Variants in RGL1 observed in about 807,000 individuals in gnomAD.
The protein encoded by RGL1 is ral guanine nucleotide dissociation stimulator like 1.
In RGL1, 24 loss-of-function variants were observed where a neutral mutation model predicts 95.2. The ratio of observed to expected loss-of-function variants is 0.25; its 90% CI spans 0.18 to 0.35. The LOEUF (loss-of-function observed/expected upper bound fraction) is 0.35, where lower values mean the gene tolerates loss of function less well. RGL1 is among the 10% of genes least tolerant of loss of function. The pLI is 1.00. For missense variants in RGL1, 715 were observed against 936.3 expected (o/e 0.76, Z 3.08); for synonymous variants, 329 against 344.9 (o/e 0.95, Z 0.51).
At chr1:183,919,963 A>C (rs1035025946) in intron 16 of RGL1, among the ~76,000 whole-genome samples, 1 of 152,226 alleles carries the variant, frequency 6.6e-6, no homozygotes, top group African/African-American at 2.4e-5. Context: ...AAAATACTGC[A>C]TTAACAATTT....
intron 2 of RGL1, among the ~76,000 whole-genome samples, chr1:183,745,605 T>C (rs1230469930): frequency 4.6e-5 from 7 of 152,174 alleles, no homozygotes; most frequent in South Asian, 2.1e-4. Flanking sequence ...TCATGTATCA[T>C]GTTTCTATAG....
chr1:183,924,223 C>T (rs1379882361), intron 17 of RGL1, among the ~76,000 whole-genome samples: 2 of 152,104 alleles, frequency 1.3e-5, no homozygotes, highest in Non-Finnish European at 2.9e-5. Flanking sequence ...ACGCAAATGC[C>T]CATCAATGAT....
upstream of RGL1, among the ~76,000 whole-genome samples, chr1:183,802,665 G>T (rs762301605): frequency 6.9e-4 from 66 of 95,462 alleles, no homozygotes; most frequent in Non-Finnish European, 1.3e-3. Context: ...GCAAAATAAA[G>T]AATTAATGTG....
intron 2 of RGL1, among the ~76,000 whole-genome samples, chr1:183,807,802 G>C (rs776186897): frequency 2.2e-4 from 33 of 152,200 alleles, no homozygotes; most frequent in Non-Finnish European, 4.6e-4. Flanking sequence ...CACTTACCAA[G>C]TACCTACCTT....
At chr1:183,674,033 TG>T (rs1201826716) in intron 1 of RGL1, among the ~76,000 whole-genome samples, 1 of 152,202 alleles carries the variant, frequency 6.6e-6, no homozygotes, top group Non-Finnish European at 1.5e-5. Context: ...TCCAAGTCTT[TG>T]TCTTCACTCA....
intron 1 of RGL1, among the ~76,000 whole-genome samples, chr1:183,663,050 C>T (rs1483485915): frequency 4.0e-5 from 6 of 151,336 alleles, no homozygotes; most frequent in Non-Finnish European, 8.9e-5. Context: ...ACACCTTATA[C>T]AAAAATTAAT....
At chr1:183,741,774 A>C (rs1401672044) in intron 1 of RGL1, among the ~76,000 whole-genome samples, 1 of 152,180 alleles carries the variant, frequency 6.6e-6, no homozygotes, top group South Asian at 2.1e-4. Flanking sequence ...TGGCATGAAA[A>C]TATGAAAACA....
At chr1:183,847,022 A>G (rs985861047) in intron 2 of RGL1, among the ~76,000 whole-genome samples, 3 of 152,212 alleles carry the variant, frequency 2.0e-5, no homozygotes, top group African/African-American at 7.2e-5. Flanking sequence ...GTAGAAGCAA[A>G]TGTAACCATT....
chr1:183,786,703 G>A (rs1334732746), intron 2 of RGL1, among the ~76,000 whole-genome samples: 1 of 152,074 alleles, frequency 6.6e-6, no homozygotes, highest in Non-Finnish European at 1.5e-5. Context: ...GCAATGATGT[G>A]GACAAATGTT....
chr1:183,708,016 C>T (rs1655025109), intron 1 of RGL1, among the ~76,000 whole-genome samples: 1 of 151,996 alleles, frequency 6.6e-6, no homozygotes, highest in African/African-American at 2.4e-5. Context: ...CCCATTTCTC[C>T]AGTTGTCGGC....
At chr1:183,729,245 T>C (rs757765367) in intron 1 of RGL1, among the ~76,000 whole-genome samples, 2 of 152,060 alleles carry the variant, frequency 1.3e-5, no homozygotes, top group Admixed American at 1.3e-4. Flanking sequence ...ATCTAGAATA[T>C]ATAAAGAAGT....
At chr1:183,789,751 A>T (rs1270764924) in intron 2 of RGL1, among the ~76,000 whole-genome samples, 1 of 152,146 alleles carries the variant, frequency 6.6e-6, no homozygotes, top group Non-Finnish European at 1.5e-5. Context: ...TTAAACAAGA[A>T]GGAATTTTCT....
intron 1 of RGL1, among the ~76,000 whole-genome samples, chr1:183,637,430 T>A (rs1371761618): frequency 1.3e-5 from 2 of 152,210 alleles, no homozygotes; most frequent in Non-Finnish European, 2.9e-5. Context: ...CCGTACAGTT[T>A]GAGAATCATA....
chr1:183,817,981 A>T (rs76707316), intron 2 of RGL1, among the ~76,000 whole-genome samples: 1 of 152,160 alleles, frequency 6.6e-6, no homozygotes, highest in African/African-American at 2.4e-5. Flanking sequence ...CCTCATGAAC[A>T]TTCTTTGGTT....
At chr1:183,821,005 C>T (rs1328590569) in intron 2 of RGL1, among the ~76,000 whole-genome samples, 2 of 151,768 alleles carry the variant, frequency 1.3e-5, no homozygotes, top group Non-Finnish European at 2.9e-5. Flanking sequence ...TGGTGGTGGG[C>T]GCCTGTAATC....
intron 4 of RGL1, among the ~76,000 whole-genome samples, chr1:183,874,569 G>A (rs963033297): frequency 2.7e-5 from 4 of 150,228 alleles, no homozygotes; most frequent in Non-Finnish European, 1.5e-5. Flanking sequence ...TGCCTTCTTA[G>A]TGCTTAAATC....
At chr1:183,871,167 G>A (rs555692340) in intron 4 of RGL1, among the ~76,000 whole-genome samples, 1 of 152,310 alleles carries the variant, frequency 6.6e-6, no homozygotes, top group South Asian at 2.1e-4. Flanking sequence ...TGAGAGTACG[G>A]TACCTTCGAC....
intron 1 of RGL1, among the ~76,000 whole-genome samples, chr1:183,707,238 C>T (rs189174147): frequency 1.1e-3 from 167 of 152,190 alleles, no homozygotes; most frequent in African/African-American, 3.9e-3. Context: ...GGTCCAGATA[C>T]GGTCCCAGTC....
intron 2 of RGL1, among the ~76,000 whole-genome samples, chr1:183,784,954 A>G (rs1660083218): frequency 6.6e-6 from 1 of 152,200 alleles, no homozygotes; most frequent in Non-Finnish European, 1.5e-5. Context: ...AATTCATACA[A>G]TTAATAAACT....
Sources: gnomAD v4.1 joint callset for allele counts (sites outside exome capture counted in the v4.1 genomes callset) on GRCh38, gnomAD v4.1.1 for gene constraint, MANE v1.5 for transcripts, NCBI Gene and HGNC (gene_info 2026-07-23, HGNC 2026-07-21) for gene names.